Variants in LGR6 observed in about 807,000 individuals in gnomAD.
The protein encoded by LGR6 is leucine-rich repeat-containing G protein-coupled receptor 6.
In LGR6, 45 loss-of-function variants were observed where a neutral mutation model predicts 69.4. The ratio of observed to expected loss-of-function variants is 0.65; its 90% CI spans 0.51 to 0.83. The LOEUF (loss-of-function observed/expected upper bound fraction) is 0.83. Ranked by LOEUF, LGR6 falls within the 40% of genes least tolerant of loss-of-function variation. The pLI is 0.00. For synonymous variants in LGR6, 538 were observed against 555.0 expected, an observed-to-expected ratio of 0.97 and a Z score of 0.43; for missense variants, 1,108 against 1,246.7, an observed-to-expected ratio of 0.89 and a Z score of 1.68.
intron 6 of LGR6, among the ~76,000 whole-genome samples, chr1:202,296,880 CT>C (rs1238632691): frequency 6.6e-6 from 1 of 152,130 alleles, no homozygotes; most frequent in Non-Finnish European, 1.5e-5. Flanking sequence ...TATCAGGATG[CT>C]TGTTTTCCCA....
intron 6 of LGR6, among the ~76,000 whole-genome samples, chr1:202,290,338 C>T (rs1026046391): frequency 6.6e-6 from 1 of 152,202 alleles, no homozygotes; most frequent in East Asian, 1.9e-4. Flanking sequence ...AATTATTTGG[C>T]TTTGACATGC....
chr1:202,296,393 G>A (rs788829), intron 6 of LGR6, among the ~76,000 whole-genome samples: 67,553 of 151,992 alleles, frequency 0.44, 16,991 homozygotes, highest in East Asian at 0.7. Context: ...TTCGATGATA[G>A]GCGATCTCAT....
Position 202,304,544 on chromosome 1 carries a change from C to A in LGR6, c.999-15C>A. On this transcript the variant is annotated splice_polypyrimidine_tract_variant and intron_variant, in intron 10 of 17. Coordinates refer to ENST00000367278, the MANE Select transcript of LGR6 (RefSeq NM_001017403.2). ...CCTGGGCCTGGTGCCAGCTCTGTCT[C>A]TGTTCTCCCTGCAGGACCCTGACCC... 6.3e-7 allele frequency: 1 copy of A among 1,592,962 alleles called. No homozygotes were observed. Among genetic ancestry groups the A allele is most frequent in the Non-Finnish European group, 8.6e-7 (1 of 1,164,168 alleles).
intron 3 of LGR6, among the ~76,000 whole-genome samples, chr1:202,230,370 G>A (rs989125351): frequency 1.3e-5 from 2 of 152,090 alleles, no homozygotes; most frequent in Non-Finnish European, 2.9e-5. Flanking sequence ...TCAGATCAAG[G>A]GAGTCAGCTA....
rs374627105 is a variant in LGR6 at position 202,319,162 on chromosome 1, T to G, written c.2859T>G (p.Gly953=). The change falls in exon 18 of 18, where the codon GGT becomes GGG. Residue 953 remains glycine (G), a synonymous_variant. Coordinates refer to ENST00000367278, the MANE Select transcript of LGR6 (RefSeq NM_001017403.2). ...CAGCAGGTGGAGGCTTGTCAGGGGG[T>G]GGCGGCTTTCAGCCCTCTGGCTTGG... is the stretch of plus-strand genomic sequence containing the variant. ...STPAGGGLSG[G]GGFQPSGLAF... is the part of the protein sequence containing the mutation. 6.2e-7 allele frequency: 1 copy of G among 1,613,100 alleles called. No homozygotes were observed. Among genetic ancestry groups the G allele is most frequent in the Non-Finnish European group, 8.5e-7 (1 of 1,179,522 alleles).
chr1:202,211,576 G>T (rs568056098), intron 1 of LGR6, among the ~76,000 whole-genome samples: 35 of 152,316 alleles, frequency 2.3e-4, no homozygotes, highest in Non-Finnish European at 4.3e-4. Flanking sequence ...GGCCAGGCTG[G>T]TCTCAAACTC....
chr1:202,307,033 C>A, intron 13 of LGR6, 94 bp downstream of exon 13: 1 of 1,104,756 alleles, frequency 9.1e-7, no homozygotes, highest in Non-Finnish European at 1.4e-6. Flanking sequence ...ACAATTTAAG[C>A]AAATGTGACA....
Position 202,193,945 on chromosome 1 carries a change from C to G in LGR6, c.-45C>G. On this transcript the variant is annotated 5_prime_UTR_variant, in exon 1 of 18. Transcript: ENST00000367278. ...AAGCAGCTGCGGCCATCGCGCCGTG[C>G]GTCCGCGCCCGGCCGCCAGGTGCCC... is the stretch of plus-strand genomic sequence containing the variant. 2.5e-6 allele frequency: 3 copies of G among 1,210,112 alleles called. No homozygotes were observed. Among genetic ancestry groups the G allele is most frequent in the Non-Finnish European group, 2.1e-6 (2 of 953,102 alleles). 75.0% of individuals were successfully genotyped at this position (1,210,112 alleles called of 1,614,324 possible).
chr1:202,284,742 AAC>A (rs1666272305), intron 6 of LGR6, among the ~76,000 whole-genome samples: 1 of 152,326 alleles, frequency 6.6e-6, no homozygotes. Context: ...AGGTCGAGCA[AAC>A]ACAATTGCAT....
intron 4 of LGR6, among the ~76,000 whole-genome samples, chr1:202,260,920 C>A (rs1664181259): frequency 6.6e-6 from 1 of 152,088 alleles, no homozygotes; most frequent in Admixed American, 6.5e-5. Flanking sequence ...TCAAGGAGAG[C>A]ATATTTTTTC....
rs1243337362 is a variant in LGR6, at chr1:202,319,141, A to AGGTGGAGGCTTGTCAGGG, written c.2844_2861dup (p.Leu950_Gly955dup). 3.1e-6 allele frequency: 5 copies of AGGTGGAGGCTTGTCAGGG among 1,613,922 alleles called. No homozygotes were observed. Among genetic ancestry groups the AGGTGGAGGCTTGTCAGGG allele is most frequent in the Non-Finnish European group, 4.2e-6 (5 of 1,179,942 alleles). On this transcript the variant is annotated inframe_insertion, in exon 18 of 18. Transcript: ENST00000367278. The stretch of plus-strand genomic sequence containing the variant: ...TGAGGGCAGAGGGATCTACGCCAGC[A>AGGTGGAGGCTTGTCAGGG]GGTGGAGGCTTGTCAGGGGGTGGCG...
chr1:202,216,455 T>C (rs974882459), intron 1 of LGR6, among the ~76,000 whole-genome samples: 4 of 152,222 alleles, frequency 2.6e-5, no homozygotes, highest in African/African-American at 9.6e-5. Context: ...GTTCTAGAAC[T>C]GTGCTGTCCA....
chr1:202,294,800 T>C (rs182436232), intron 6 of LGR6, among the ~76,000 whole-genome samples: 47 of 152,300 alleles, frequency 3.1e-4, no homozygotes, highest in Middle Eastern at 3.4e-3. Context: ...GGATTTGTGA[T>C]CACTTTTAAT....
intron 6 of LGR6, among the ~76,000 whole-genome samples, chr1:202,289,994 TA>T (rs1251046355): frequency 1.3e-5 from 2 of 152,254 alleles, no homozygotes; most frequent in Non-Finnish European, 2.9e-5. Context: ...CAATTAATGA[TA>T]TTCATCTTTC....
rs552697203 is a variant in LGR6 at position 202,196,196 on chromosome 1, G to A, written c.212+1995G>A. Among the ~76,000 whole-genome samples the A allele has an allele frequency of 3.9e-5, 6 of 152,254 alleles. No homozygotes were observed. In the East Asian group the frequency reaches 1.2e-3, roughly 29 times the overall value. ...GGAATATTGGAAGGAGGTGGCAGAG[G>A]ACCGTGTCCCCTGCCCTGGGCTGGG... is the stretch of plus-strand genomic sequence containing the variant. On this transcript the variant is annotated intron_variant, in intron 1 of 17. Coordinates refer to ENST00000367278, the MANE Select transcript of LGR6 (RefSeq NM_001017403.2).
chr1:202,203,003 A>AG (rs1026635389), intron 1 of LGR6, among the ~76,000 whole-genome samples: 2 of 152,054 alleles, frequency 1.3e-5, no homozygotes, highest in African/African-American at 4.8e-5. Flanking sequence ...GGACTCATGG[A>AG]GGGGGAGGAG....
At chr1:202,271,003 C>T (rs879353452) in intron 4 of LGR6, among the ~76,000 whole-genome samples, 11 of 152,138 alleles carry the variant, frequency 7.2e-5, no homozygotes, top group East Asian at 3.9e-4. Flanking sequence ...CTGTGAGGTC[C>T]CTGCTAATCT....
chr1:202,203,750 AACTGATG>A, intron 1 of LGR6: 1 of 1,572,906 alleles, frequency 6.4e-7, no homozygotes, highest in South Asian at 1.1e-5. Context: ...GCTTGTGTCT[AACTGATG>A]CTCCTAATGC....
chr1:202,204,668 CA>C (rs1558003924), intron 1 of LGR6, among the ~76,000 whole-genome samples: 3 of 11,052 alleles, frequency 2.7e-4, no homozygotes, highest in Admixed American at 1.1e-3. Flanking sequence ...CAAACACACA[CA>C]CGCCTCCAAA....
Sources: gnomAD v4.1 joint callset for allele counts (sites outside exome capture counted in the v4.1 genomes callset) on GRCh38, gnomAD v4.1.1 for gene constraint, MANE v1.5 for transcripts, NCBI Gene and HGNC (gene_info 2026-07-23, HGNC 2026-07-21) for gene names.